Variants in CYP7B1 observed in about 807,000 individuals in gnomAD.
CYP7B1 encodes the protein cytochrome P450 family 7 subfamily B member 1.
Under a neutral mutation model 42.7 loss-of-function variants are expected in CYP7B1, and 29 were observed. That is an observed-to-expected ratio of 0.68 (90% confidence interval 0.51 to 0.93). CYP7B1 has a LOEUF of 0.93. Among genes scored for constraint, CYP7B1 ranks in the 40% least tolerant of loss-of-function variants. The pLI is 0.00. For missense variants in CYP7B1, 655 were observed against 600.5 expected, an observed-to-expected ratio of 1.09 and a Z score of -0.95; for synonymous variants, 235 against 218.2, an observed-to-expected ratio of 1.08 and a Z score of -0.68.
chr8:64,720,140 T>G (rs761158657), intron 1 of CYP7B1, among the ~76,000 whole-genome samples: 31 of 152,160 alleles, frequency 2.0e-4, no homozygotes, highest in Non-Finnish European at 3.8e-4. Flanking sequence ...ACTGAATAGC[T>G]AAGGATTTTT....
At chr8:64,780,317 C>T (rs767897452) in intron 1 of CYP7B1, among the ~76,000 whole-genome samples, 16 of 152,120 alleles carry the variant, frequency 1.1e-4, no homozygotes, top group Non-Finnish European at 2.2e-4. Flanking sequence ...TGAGAATCTA[C>T]TCAGTGCCAG....
At chr8:64,739,467 A>G (rs972316483) in intron 1 of CYP7B1, among the ~76,000 whole-genome samples, 2 of 152,224 alleles carry the variant, frequency 1.3e-5, no homozygotes, top group Non-Finnish European at 2.9e-5. Context: ...TACATCAAAC[A>G]TTAAACACAG....
intron 1 of CYP7B1, among the ~76,000 whole-genome samples, chr8:64,667,412 C>T (rs904210111): frequency 7.9e-5 from 12 of 152,066 alleles, no homozygotes; most frequent in African/African-American, 2.2e-4. Flanking sequence ...TTAATTCTTT[C>T]CTATTCTGAA....
intron 1 of CYP7B1, among the ~76,000 whole-genome samples, chr8:64,789,366 T>A (rs1439992179): frequency 6.6e-6 from 1 of 152,204 alleles, no homozygotes; most frequent in Non-Finnish European, 1.5e-5. Context: ...TCATGAGAAA[T>A]TTTGAGAATA....
intron 1 of CYP7B1, among the ~76,000 whole-genome samples, chr8:64,716,791 C>T (rs1013009685): frequency 6.6e-6 from 1 of 152,172 alleles, no homozygotes; most frequent in East Asian, 1.9e-4. Flanking sequence ...GTGTATGGCT[C>T]AGGTGTTGGT....
intron 5 of CYP7B1, among the ~76,000 whole-genome samples, chr8:64,601,372 CG>C (rs1805200014): frequency 6.6e-6 from 1 of 152,164 alleles, no homozygotes. Context: ...AAATGTCTGA[CG>C]TTTTTTCCCT....
chr8:64,633,575 T>A (rs1805728218), intron 1 of CYP7B1, among the ~76,000 whole-genome samples: 1 of 152,182 alleles, frequency 6.6e-6, no homozygotes, highest in Non-Finnish European at 1.5e-5. Context: ...CAACAAAATA[T>A]GTATAAAATC....
At chr8:64,626,709 G>T (rs1805614976) in intron 1 of CYP7B1, among the ~76,000 whole-genome samples, 1 of 152,074 alleles carries the variant, frequency 6.6e-6, no homozygotes, top group Non-Finnish European at 1.5e-5. Flanking sequence ...CTGATTTAAA[G>T]TAAAAAAGGT....
downstream of CYP7B1, among the ~76,000 whole-genome samples, chr8:64,587,123 G>A (rs1418241572): frequency 1.3e-5 from 2 of 152,362 alleles, no homozygotes; most frequent in Admixed American, 6.5e-5. Flanking sequence ...GGACCTGGCA[G>A]GACTGGAGGA....
chr8:64,587,874 C>T (rs1585790655), downstream of CYP7B1: 1 of 152,134 alleles, frequency 6.6e-6, no homozygotes, highest in African/African-American at 2.4e-5. Flanking sequence ...CAATCCTCAC[C>T]ATCCCCAACC....
intron 1 of CYP7B1, among the ~76,000 whole-genome samples, chr8:64,691,030 C>T (rs564740573): frequency 2.0e-5 from 3 of 152,260 alleles, no homozygotes; most frequent in East Asian, 1.9e-4. Context: ...AAACAACTCC[C>T]GAGGTAGGCT....
chr8:64,766,225 A>G (rs939640225), intron 1 of CYP7B1, among the ~76,000 whole-genome samples: 6 of 152,192 alleles, frequency 3.9e-5, no homozygotes, highest in Admixed American at 6.5e-5. Context: ...AGAAGCCTAT[A>G]AATTATTCAA....
intron 1 of CYP7B1, among the ~76,000 whole-genome samples, chr8:64,652,351 C>A (rs1337791506): frequency 2.6e-5 from 4 of 152,074 alleles, no homozygotes; most frequent in Non-Finnish European, 5.9e-5. Flanking sequence ...AACGCTCCAC[C>A]CAAAAAACAA....
intron 1 of CYP7B1, chr8:64,729,091 T>C (rs183029415): frequency 6.6e-6 from 1 of 152,194 alleles, no homozygotes; most frequent in African/African-American, 2.4e-5. Flanking sequence ...GCCTGGGAAG[T>C]TGAGGCTGCA....
intron 1 of CYP7B1, among the ~76,000 whole-genome samples, chr8:64,705,134 A>C (rs1806975200): frequency 6.6e-6 from 1 of 151,884 alleles, no homozygotes; most frequent in Non-Finnish European, 1.5e-5. Flanking sequence ...CTCGGGGCCA[A>C]GTGTATCAGG....
intron 1 of CYP7B1, among the ~76,000 whole-genome samples, chr8:64,713,191 C>A (rs1002554338): frequency 2.0e-5 from 3 of 152,042 alleles, no homozygotes; most frequent in Admixed American, 6.6e-5. Context: ...TGTTTCCAGA[C>A]CCACCCTTAA....
At chr8:64,752,504 G>A (rs548155443) in intron 1 of CYP7B1, among the ~76,000 whole-genome samples, 11 of 151,982 alleles carry the variant, frequency 7.2e-5, no homozygotes, top group African/African-American at 2.4e-4. Context: ...TGCCACCCAC[G>A]GAGTTCTAAT....
intron 1 of CYP7B1, among the ~76,000 whole-genome samples, chr8:64,635,732 T>C (rs1805759882): frequency 6.6e-6 from 1 of 152,188 alleles, no homozygotes; most frequent in African/African-American, 2.4e-5. Context: ...AACATGAATA[T>C]GATGAAATGT....
intron 1 of CYP7B1, among the ~76,000 whole-genome samples, chr8:64,704,294 A>C (rs1328393725): frequency 6.6e-6 from 1 of 152,078 alleles, no homozygotes; most frequent in Non-Finnish European, 1.5e-5. Context: ...CAAGTCATTC[A>C]ATCAAACCTG....
Sources: gnomAD v4.1 joint callset for allele counts (sites outside exome capture counted in the v4.1 genomes callset) on GRCh38, gnomAD v4.1.1 for gene constraint, MANE v1.5 for transcripts, NCBI Gene and HGNC (gene_info 2026-07-23, HGNC 2026-07-21) for gene names.